Variants in PIAS2 observed in about 807,000 individuals in gnomAD.
The protein encoded by PIAS2 is E3 SUMO-protein ligase PIAS2.
In PIAS2, 19 loss-of-function variants were observed where a neutral mutation model predicts 69.7. That is an observed-to-expected ratio of 0.27 (90% CI 0.19 to 0.40). The LOEUF is 0.40. PIAS2 is among the 10% of genes least tolerant of loss of function. PIAS2 has a pLI of 1.00. For synonymous variants in PIAS2, 261 were observed against 263.2 expected (o/e 0.99, Z 0.08); for missense variants, 624 against 757.0 (o/e 0.82, Z 2.06).
At chr18:46,876,098 T>C (rs922990161) in intron 2 of PIAS2, among the ~76,000 whole-genome samples, 1 of 152,168 alleles carries the variant, frequency 6.6e-6, no homozygotes. Flanking sequence ...CATCCGCAAG[T>C]GGATGTATGG....
chr18:46,812,698 C>A, intron 13 of PIAS2, 86 bp from the exon 14 acceptor site: 1 of 728,982 alleles, frequency 1.4e-6, no homozygotes, highest in South Asian at 2.3e-5. Flanking sequence ...TATGCACAAG[C>A]AATAGTCACA....
chr18:46,863,798 T>C (rs182107772), intron 3 of PIAS2, among the ~76,000 whole-genome samples: 179 of 152,330 alleles, frequency 1.2e-3, no homozygotes, highest in Non-Finnish European at 2.2e-3. Flanking sequence ...CCCCAAAATT[T>C]ATACGTTGAA....
At chr18:46,836,970 T>C (rs2044525277) in intron 8 of PIAS2, among the ~76,000 whole-genome samples, 1 of 152,186 alleles carries the variant, frequency 6.6e-6, no homozygotes, top group Non-Finnish European at 1.5e-5. Context: ...TGCACACAAA[T>C]CGGTATATAA....
chr18:46,885,474 T>C (rs2053011322), intron 2 of PIAS2, among the ~76,000 whole-genome samples: 1 of 150,200 alleles, frequency 6.7e-6, no homozygotes, highest in South Asian at 2.1e-4. Flanking sequence ...CTAGCCAAGA[T>C]CATGTGACTG....
chr18:46,891,437 T>A (rs755080817), intron 1 of PIAS2, among the ~76,000 whole-genome samples: 8 of 152,218 alleles, frequency 5.3e-5, no homozygotes, highest in Non-Finnish European at 8.8e-5. Context: ...TAATGTTTGT[T>A]ACAGAATTAT....
At chr18:46,879,110 C>G (rs1406023001) in intron 2 of PIAS2, among the ~76,000 whole-genome samples, 2 of 152,190 alleles carry the variant, frequency 1.3e-5, no homozygotes, top group African/African-American at 4.8e-5. Flanking sequence ...TCATCACCTA[C>G]CAGCTACTGT....
Position 46,828,020 on chromosome 18 carries a change from C to G in PIAS2, c.1447G>C (p.Asp483His). 2 of 1,613,878 alleles carry G rather than the reference C, an allele frequency of 1.2e-6. No homozygotes were observed. Among genetic ancestry groups the G allele is most frequent in the Non-Finnish European group, 1.7e-6 (2 of 1,179,872 alleles). The change falls in exon 11 of 14, where the codon GAC becomes CAC. Residue 483 changes from aspartate to histidine, a missense_variant. By Grantham distance (81) the Asp-to-His change is moderately conservative. Around this residue, in one of 3 missense-constraint regions of PIAS2, gnomAD observed 241 missense variants for 257.3 expected, o/e 0.94. Coordinates refer to ENST00000585916, the MANE Select transcript of PIAS2 (RefSeq NM_004671.5). ...TIESSSDEEE[D>H]PPAKRKCIFM... is the part of the protein sequence containing the mutation. ...ATGCATTTCCTTTTGGCAGGAGGGT[C>G]TTCCTCTTCGTCAGAAGAGCTTTCT...
intron 8 of PIAS2, among the ~76,000 whole-genome samples, chr18:46,837,868 C>A (rs1456427217): frequency 6.6e-6 from 1 of 152,118 alleles, no homozygotes; most frequent in Non-Finnish European, 1.5e-5. Context: ...TCCAAAAAGA[C>A]GGTCTAGATC....
intron 5 of PIAS2, among the ~76,000 whole-genome samples, chr18:46,850,491 T>C (rs2046804073): frequency 6.6e-6 from 1 of 152,058 alleles, no homozygotes. Context: ...AAGTATAAGG[T>C]TTGTTGCTCT....
In PIAS2 at chr18:46,805,470, T is replaced by C. The variant is rs2040643250; in HGVS notation, c.*6963A>G. ...GATCAGGCAGTTATAAGACTAGAGG[T>C]AGCTGATAGTATAACCTCTTGGCAT... On this transcript the variant is annotated 3_prime_UTR_variant, in exon 14 of 14. Transcript: ENST00000585916. The C allele has an allele frequency of 6.6e-6, 1 of 152,082 alleles. No homozygotes were observed. Among genetic ancestry groups the C allele is most frequent in the Non-Finnish European group, 1.5e-5 (1 of 68,022 alleles). 9.4% of individuals were successfully genotyped at this position (152,082 alleles called of 1,614,324 possible). A position where few individuals can be genotyped will look rare whatever the true frequency, so the allele number is the denominator to read the frequency against.
At chr18:46,891,480 A>C (rs1208286774) in intron 1 of PIAS2, among the ~76,000 whole-genome samples, 1 of 152,252 alleles carries the variant, frequency 6.6e-6, no homozygotes, top group Non-Finnish European at 1.5e-5. Context: ...TCAGATTTTC[A>C]CAATGTTAGA....
chr18:46,871,677 T>A (rs2050380335), intron 2 of PIAS2, among the ~76,000 whole-genome samples: 1 of 152,184 alleles, frequency 6.6e-6, no homozygotes. Context: ...TTTGTTTCCC[T>A]TTACCTAATG....
chr18:46,841,497 C>T (rs2045381430), intron 8 of PIAS2, among the ~76,000 whole-genome samples: 1 of 152,200 alleles, frequency 6.6e-6, no homozygotes, highest in Non-Finnish European at 1.5e-5. Context: ...AGGACTTACT[C>T]TTTCTCAAAC....
chr18:46,849,145 C>T lies in PIAS2; in HGVS notation c.727-2304G>A, dbSNP rs148562690. ...ATTTAAGACATAACACTGTCTGACA[C>T]AGTAGAAAAGGGCAACAGAAGCAGG... On this transcript the variant is annotated intron_variant, in intron 5 of 13. Transcript: ENST00000585916. Among the ~76,000 whole-genome samples, 3 of 152,290 alleles carry T rather than the reference C, an allele frequency of 2.0e-5. No homozygotes were observed. The East Asian group carries it at 5.8e-4, about 29-fold the overall frequency.
intron 6 of PIAS2, among the ~76,000 whole-genome samples, chr18:46,845,928 T>C (rs1281472218): frequency 6.6e-6 from 1 of 152,144 alleles, no homozygotes; most frequent in African/African-American, 2.4e-5. Context: ...AAACAAAAAA[T>C]TCCTGCTATA....
intron 2 of PIAS2, among the ~76,000 whole-genome samples, chr18:46,882,458 T>C (rs2052431400): frequency 6.6e-6 from 1 of 152,178 alleles, no homozygotes; most frequent in Admixed American, 6.5e-5. Flanking sequence ...TACTGTCGAA[T>C]TTCCCTCTAA....
intron 1 of PIAS2, chr18:46,917,057 C>A: frequency 1.0e-6 from 1 of 988,412 alleles, no homozygotes; most frequent in Non-Finnish European, 1.2e-6. Context: ...GCCCCGACCC[C>A]CCGCGCCAGG....
At chr18:46,817,662 G>T (rs1269363695) in intron 12 of PIAS2, 7 of 964,168 alleles carry the variant, frequency 7.3e-6, no homozygotes, top group Non-Finnish European at 7.4e-6. Flanking sequence ...TAAAATATTG[G>T]TTGGAATTCT....
At position 46,807,370 on chromosome 18, in the gene PIAS2, TATATATA is replaced by T. The variant is rs1220385949; in HGVS notation, c.*5056_*5062del. 7.1e-5 allele frequency: 2 copies of T among 28,308 alleles called. No individual in the cohort carries two copies. The highest frequency in any genetic ancestry group is 4.9e-4 in the East Asian group (1 of 2,022). The allele number at this position is 28,308 out of a possible 1,614,324, so 1.8% of individuals were successfully genotyped here. ...ATGTCAGATTTTATATATATATATA[TATATATA>T]TATATATTTTTTTTTTTTTTTTTTT... On this transcript the variant is annotated 3_prime_UTR_variant, in exon 14 of 14. Coordinates refer to ENST00000585916, the MANE Select transcript of PIAS2 (RefSeq NM_004671.5).
Sources: allele counts gnomAD v4.1 joint callset (sites outside exome capture counted in the v4.1 genomes callset), GRCh38; gene constraint gnomAD v4.1.1; regional missense constraint gnomAD v4.1.1; transcripts MANE v1.5; gene names NCBI Gene and HGNC (gene_info 2026-07-23, HGNC 2026-07-21).